SYN3: variants seen among roughly 807,000 people sequenced by gnomAD.
SYN3 encodes synapsin III.
SYN3 carries 35 observed loss-of-function variants against 65.8 expected under a neutral mutation model. The ratio of observed to expected loss-of-function variants is 0.53; its 90% CI spans 0.41 to 0.70. SYN3 has a LOEUF of 0.70. Among genes scored for constraint, SYN3 ranks in the 30% least tolerant of loss-of-function variants. The pLI is 0.00. For missense variants in SYN3, 680 were observed against 749.0 expected (o/e 0.91, Z 1.08); for synonymous variants, 270 against 292.9 (o/e 0.92, Z 0.80).
At chr22:32,773,405 TCA>T (rs1491287621) in intron 6 of SYN3, among the ~76,000 whole-genome samples, 2 of 31,774 alleles carry the variant, frequency 6.3e-5, no homozygotes, top group African/African-American at 3.6e-4. Context: ...AGACTCTGTC[TCA>T]AAAAAAAAAA....
chr22:32,822,927 AAC>A (rs1203987419), intron 6 of SYN3, among the ~76,000 whole-genome samples: 149 of 2,486 alleles, frequency 0.06, no homozygotes, highest in Middle Eastern at 0.5. Flanking sequence ...CAACAACAAC[AAC>A]AAAAAAAAAA....
At chr22:32,653,940 G>A (rs2060107526) in intron 6 of SYN3, among the ~76,000 whole-genome samples, 1 of 152,190 alleles carries the variant, frequency 6.6e-6, no homozygotes, top group South Asian at 2.1e-4. Flanking sequence ...AGAGGTAGGT[G>A]TGTTCTGTGA....
At chr22:32,660,798 C>T (rs2060206602) in intron 6 of SYN3, among the ~76,000 whole-genome samples, 1 of 152,132 alleles carries the variant, frequency 6.6e-6, no homozygotes, top group African/African-American at 2.4e-5. Flanking sequence ...GATTAAGGGT[C>T]TTGGCCGAAA....
chr22:32,601,074 G>C (rs2059275148), intron 6 of SYN3, among the ~76,000 whole-genome samples: 1 of 152,098 alleles, frequency 6.6e-6, no homozygotes, highest in Non-Finnish European at 1.5e-5. Context: ...CCTTCTCCAG[G>C]GTTCTTAAAT....
At chr22:32,835,668 T>C (rs900485263) in intron 6 of SYN3, among the ~76,000 whole-genome samples, 6 of 152,152 alleles carry the variant, frequency 3.9e-5, no homozygotes, top group Non-Finnish European at 5.9e-5. Flanking sequence ...AAAGTATACT[T>C]GTTCGCCCCT....
chr22:32,665,949 A>G (rs1447415133), intron 6 of SYN3, among the ~76,000 whole-genome samples: 1 of 152,156 alleles, frequency 6.6e-6, no homozygotes, highest in African/African-American at 2.4e-5. Flanking sequence ...CAACGAAATC[A>G]CACACTATAT....
chr22:32,960,278 G>A (rs996614001), intron 3 of SYN3, among the ~76,000 whole-genome samples: 7 of 152,102 alleles, frequency 4.6e-5, no homozygotes, highest in African/African-American at 1.4e-4. Flanking sequence ...CACACTGCAG[G>A]GCACTGCCCA....
At chr22:33,038,687 G>A (rs978676035) in intron 1 of SYN3, among the ~76,000 whole-genome samples, 1 of 152,176 alleles carries the variant, frequency 6.6e-6, no homozygotes, top group Non-Finnish European at 1.5e-5. Context: ...AGACAGGAGT[G>A]GAAGGAGAAA....
At chr22:32,702,485 T>C (rs1209427103) in intron 6 of SYN3, among the ~76,000 whole-genome samples, 1 of 152,124 alleles carries the variant, frequency 6.6e-6, no homozygotes, top group African/African-American at 2.4e-5. Context: ...AATAAATAAA[T>C]AGAAGCATCT....
intron 7 of SYN3, among the ~76,000 whole-genome samples, chr22:32,589,701 T>C (rs4577393): frequency 0.49 from 75,204 of 151,990 alleles, 19,781 homozygotes; most frequent in African/African-American, 0.7. Flanking sequence ...GCCCACTAGA[T>C]GTTATGTAGA....
rs536538536 is a variant in SYN3, at chr22:32,611,066, A to G, written c.712-14330T>C. Among the ~76,000 whole-genome samples the G allele has an allele frequency of 6.7e-4, 102 of 152,344 alleles. 1 individual carries two copies. Among genetic ancestry groups the G allele is most frequent in the African/African-American group, 2.3e-3 (94 of 41,580 alleles). ...TGAATGTCTAGGAAATCTCAAGAAT[A>G]TGGGTAATACTTTGGCAACGCCCTG... On this transcript the variant is annotated intron_variant, in intron 6 of 13. Coordinates refer to ENST00000358763, the MANE Select transcript of SYN3 (RefSeq NM_003490.4).
chr22:32,535,781 C>T (rs1349479097), intron 9 of SYN3, among the ~76,000 whole-genome samples: 5 of 147,050 alleles, frequency 3.4e-5, no homozygotes, highest in Non-Finnish European at 7.5e-5. Flanking sequence ...CTTGGAGAAT[C>T]GGGGGGGGGG....
chr22:32,999,025 T>G (rs986147555), intron 2 of SYN3, among the ~76,000 whole-genome samples: 1 of 152,132 alleles, frequency 6.6e-6, no homozygotes, highest in Non-Finnish European at 1.5e-5. Flanking sequence ...GGCAATGACA[T>G]ATGCTAACTG....
At chr22:32,761,577 T>G (rs944769466) in intron 6 of SYN3, among the ~76,000 whole-genome samples, 2 of 152,142 alleles carry the variant, frequency 1.3e-5, no homozygotes, top group Non-Finnish European at 2.9e-5. Context: ...GAGCACCTCT[T>G]GAAGGCAGTG....
intron 6 of SYN3, among the ~76,000 whole-genome samples, chr22:32,760,257 C>A (rs1194820149): frequency 6.8e-6 from 1 of 148,068 alleles, no homozygotes; most frequent in African/African-American, 2.5e-5. Context: ...GCCTGCGGCC[C>A]TTCCTTGATT....
intron 4 of SYN3, among the ~76,000 whole-genome samples, chr22:32,915,853 G>T (rs1172318683): frequency 1.3e-5 from 2 of 152,212 alleles, no homozygotes; most frequent in Non-Finnish European, 2.9e-5. Flanking sequence ...TGGCTGCTGT[G>T]TAGAGAACAG....
chr22:32,664,991 C>CT lies in SYN3; in HGVS notation c.712-68256dup, dbSNP rs564943069. On this transcript the variant is annotated intron_variant, in intron 6 of 13. Transcript: ENST00000358763. ...AAAGTCCATTGTATAATGTATAATT[C>CT]TTTTTTTTTTTTTTTTTTTTTTTTT... Among the ~76,000 whole-genome samples the CT allele has an allele frequency of 3.7e-3, 256 of 69,002 alleles. 17 individuals are homozygous for CT. Among genetic ancestry groups the CT allele is most frequent in the Non-Finnish European group, 4.5e-3 (181 of 39,850 alleles). The allele number at this position is 69,002 out of a possible 152,430, so 45.3% of individuals were successfully genotyped here.
rs398061894 is a variant in SYN3, at chr22:32,569,444, TA to T, written c.774+27229del. ...CTATCTATCTATCTATCTATCTATC[TA>T]TCTTCTCTATCTATCTAAAATCTAT... is the stretch of plus-strand genomic sequence containing the variant. On this transcript the variant is annotated intron_variant, in intron 7 of 13. Transcript: ENST00000358763. 4.6e-3 allele frequency among the ~76,000 whole-genome samples: 680 copies of T among 148,940 alleles called. 3 individuals carry two copies. The highest frequency in any genetic ancestry group is 0.016 in the African/African-American group (619 of 39,806).
chr22:33,046,449 G>C (rs1054749026), intron 1 of SYN3, among the ~76,000 whole-genome samples: 1 of 152,220 alleles, frequency 6.6e-6, no homozygotes, highest in African/African-American at 2.4e-5. Context: ...GCTGTGTGCA[G>C]TGGCTCACAC....
Sources: gnomAD v4.1 joint callset for allele counts (sites outside exome capture counted in the v4.1 genomes callset) on GRCh38, gnomAD v4.1.1 for gene constraint, MANE v1.5 for transcripts, NCBI Gene and HGNC (gene_info 2026-07-23, HGNC 2026-07-21) for gene names.